CYP3A43: variants seen among roughly 807,000 people sequenced by gnomAD.
CYP3A43 encodes cytochrome P450 3A43.
In CYP3A43, 45 loss-of-function variants were observed where a neutral mutation model predicts 58.0. The observed-to-expected ratio is 0.78, with a 90% CI of 0.61 to 0.99. CYP3A43 has a LOEUF of 0.99. CYP3A43 is among the 50% of genes least tolerant of loss of function. The pLI is 0.00. For synonymous variants in CYP3A43, 191 were observed against 201.4 expected (o/e 0.95, Z 0.44); for missense variants, 593 against 591.9 (o/e 1.00, Z -0.02).
chr7:99,835,894 A>T (rs1336666570), intron 1 of CYP3A43, among the ~76,000 whole-genome samples: 1 of 152,252 alleles, frequency 6.6e-6, no homozygotes, highest in Non-Finnish European at 1.5e-5. Flanking sequence ...GTAATAACGT[A>T]ACAACAGAAC....
intron 3 of CYP3A43, 158 bp downstream of exon 3, chr7:99,839,330 G>A (rs1817234373): frequency 2.3e-6 from 2 of 882,924 alleles, no homozygotes; most frequent in Non-Finnish European, 1.8e-6. Flanking sequence ...AGATGATCTG[G>A]GAATTGAGCA....
At chr7:99,856,019 G>C (rs1817965968) in intron 8 of CYP3A43, among the ~76,000 whole-genome samples, 1 of 152,188 alleles carries the variant, frequency 6.6e-6, no homozygotes, top group African/African-American at 2.4e-5. Context: ...AAATTTGACT[G>C]TATAAAGTTG....
chr7:99,839,134 T>C lies in CYP3A43; in HGVS notation c.180T>C (p.Phe60=). 1 of 1,614,192 alleles carries C rather than the reference T, an allele frequency of 6.2e-7. No individual in the cohort carries two copies. Among genetic ancestry groups the C allele is most frequent in the South Asian group, 1.1e-5 (1 of 91,078 alleles). ...TCTTCTGCCAGGGTCTTTGGAATTT[T>C]GACAGAGAATGTAATGAAAAATACG... ...ILFYLRGLWN[F]DRECNEKYGE... The change falls in exon 3 of 13, where the codon TTT becomes TTC. Residue 60 remains phenylalanine (F), a synonymous_variant. Transcript: ENST00000354829.
At chr7:99,849,863 CT>C in intron 7 of CYP3A43, 169 bp downstream of exon 7, 1 of 747,862 alleles carries the variant, frequency 1.3e-6, no homozygotes, top group African/African-American at 1.8e-5. Context: ...TCATTGTTAA[CT>C]TCTGGACATT....
chr7:99,861,244 T>C (rs902056889), intron 10 of CYP3A43, among the ~76,000 whole-genome samples: 6 of 152,198 alleles, frequency 3.9e-5, no homozygotes, highest in Non-Finnish European at 7.3e-5. Context: ...TCTTTTTCCT[T>C]GGTACAGATG....
intron 8 of CYP3A43, among the ~76,000 whole-genome samples, chr7:99,856,467 C>T (rs1195422534): frequency 6.6e-6 from 1 of 152,170 alleles, no homozygotes; most frequent in Non-Finnish European, 1.5e-5. Flanking sequence ...AGAATAAAAG[C>T]AGCAGAACAA....
intron 7 of CYP3A43, among the ~76,000 whole-genome samples, chr7:99,855,044 G>C (rs35987562): frequency 6.6e-6 from 1 of 150,992 alleles, no homozygotes; most frequent in Non-Finnish European, 1.5e-5. Context: ...CACCATGCCC[G>C]GCTAATTTTT....
At chr7:99,843,072 T>G (rs1051864015) in intron 3 of CYP3A43, among the ~76,000 whole-genome samples, 4 of 152,250 alleles carry the variant, frequency 2.6e-5, no homozygotes, top group African/African-American at 7.2e-5. Flanking sequence ...TTGCATTATT[T>G]TATGTAAAAT....
intron 3 of CYP3A43, among the ~76,000 whole-genome samples, chr7:99,843,692 C>T (rs1417352798): frequency 6.6e-6 from 1 of 152,118 alleles, no homozygotes; most frequent in African/African-American, 2.4e-5. Context: ...TCTCGAACTC[C>T]TGACCTCAAG....
rs1172208179 is a variant in CYP3A43 at position 99,858,929 on chromosome 7, C to T, written c.866-901C>T. On this transcript the variant is annotated intron_variant, in intron 9 of 12. Transcript: ENST00000354829. ...GCCAGGCTGGTCTCAAAATCCTGACCTCAATGATCCTCCTGTGTCAGCCTC... is the reference window on the plus strand; with the variant it reads ...GCCAGGCTGGTCTCAAAATCCTGACTTCAATGATCCTCCTGTGTCAGCCTC... Among the ~76,000 whole-genome samples, 5 of 152,008 alleles carry T rather than the reference C, an allele frequency of 3.3e-5. No homozygotes were observed. The East Asian group carries it at 9.6e-4, about 29-fold the overall frequency.
intron 3 of CYP3A43, among the ~76,000 whole-genome samples, chr7:99,839,661 G>A (rs2151596671): frequency 6.6e-6 from 1 of 152,310 alleles, no homozygotes; most frequent in African/African-American, 2.4e-5. Flanking sequence ...GTTAAGAGCA[G>A]AGGTTGGATA....
At chr7:99,853,020 T>A (rs1285141877) in intron 7 of CYP3A43, among the ~76,000 whole-genome samples, 1 of 152,262 alleles carries the variant, frequency 6.6e-6, no homozygotes, top group Non-Finnish European at 1.5e-5. Flanking sequence ...TAAGGATTTG[T>A]GCATTTATAT....
chr7:99,834,198 T>C (rs1214276890), intron 1 of CYP3A43, among the ~76,000 whole-genome samples: 1 of 152,174 alleles, frequency 6.6e-6, no homozygotes, highest in Non-Finnish European at 1.5e-5. Flanking sequence ...CCTTGATGTT[T>C]TATTGGTTAT....
intron 11 of CYP3A43, among the ~76,000 whole-genome samples, chr7:99,862,938 C>T (rs1313768459): frequency 1.3e-5 from 2 of 152,194 alleles, no homozygotes; most frequent in Non-Finnish European, 2.9e-5. Context: ...ACTCATTGTA[C>T]TTCTCTTTGC....
intron 4 of CYP3A43, among the ~76,000 whole-genome samples, chr7:99,845,835 G>T (rs1817525277): frequency 6.6e-6 from 1 of 151,644 alleles, no homozygotes; most frequent in Non-Finnish European, 1.5e-5. Context: ...GAGTGCAGTG[G>T]CATGATCTCG....
intron 1 of CYP3A43, among the ~76,000 whole-genome samples, chr7:99,830,432 C>T (rs1044233803): frequency 6.6e-6 from 1 of 151,984 alleles, no homozygotes; most frequent in Non-Finnish European, 1.5e-5. Flanking sequence ...GCAGGAGAAT[C>T]GCCTGAACCC....
intron 6 of CYP3A43, among the ~76,000 whole-genome samples, chr7:99,848,814 C>T (rs1279492624): frequency 6.6e-6 from 1 of 152,202 alleles, no homozygotes; most frequent in Non-Finnish European, 1.5e-5. Context: ...GTTGTCTGAA[C>T]TGGAATGTAA....
intron 1 of CYP3A43, among the ~76,000 whole-genome samples, chr7:99,828,935 G>A (rs1433184569): frequency 6.6e-6 from 1 of 152,138 alleles, no homozygotes; most frequent in Non-Finnish European, 1.5e-5. Context: ...TTATTCTTTG[G>A]AGCACTGCTA....
chr7:99,855,728 G>T lies in CYP3A43; in HGVS notation c.798+10G>T. On this transcript the variant is annotated intron_variant, in intron 8 of 12. Coordinates refer to ENST00000354829, the MANE Select transcript of CYP3A43 (RefSeq NM_057095.3). ...CAAAGATAAACAAAAGGTAAAATCTGGTGGTGGTGACATGAGAATGTTCAC... is the reference window on the plus strand; with the variant it reads ...CAAAGATAAACAAAAGGTAAAATCTTGTGGTGGTGACATGAGAATGTTCAC... 6.3e-7 allele frequency: 1 copy of T among 1,599,660 alleles called. No homozygotes were observed. Among genetic ancestry groups the T allele is most frequent in the South Asian group, 1.1e-5 (1 of 88,730 alleles).
Sources: gnomAD v4.1 joint callset for allele counts (sites outside exome capture counted in the v4.1 genomes callset) on GRCh38, gnomAD v4.1.1 for gene constraint, MANE v1.5 for transcripts, NCBI Gene and HGNC (gene_info 2026-07-23, HGNC 2026-07-21) for gene names.